Variants in PPP1CC observed in about 807,000 individuals in gnomAD.
PPP1CC encodes protein phosphatase 1 catalytic subunit gamma.
PPP1CC carries 16 observed loss-of-function variants against 38.4 expected under a neutral mutation model. That is an observed-to-expected ratio of 0.42 (90% CI 0.28 to 0.63). PPP1CC has a LOEUF of 0.63. Among genes scored for constraint, PPP1CC ranks in the 30% least tolerant of loss-of-function variants. PPP1CC has a pLI of 0.25. For synonymous variants in PPP1CC, 158 were observed against 136.0 expected (o/e 1.16, Z -1.13); for missense variants, 170 against 391.3 (o/e 0.43, Z 4.77).
At position 110,737,376 on chromosome 12, in the gene PPP1CC, C is replaced by T. The variant is rs2069955255; in HGVS notation, c.55+5277G>A. Among the ~76,000 whole-genome samples the T allele has an allele frequency of 2.0e-5, 3 of 147,296 alleles. No individual in the cohort carries two copies. In the Admixed American group the frequency reaches 2.1e-4, roughly 10 times the overall value. On this transcript the variant is annotated intron_variant, in intron 1 of 6. Transcript: ENST00000335007. ...GCCTGTAGTCCCAGCTACTCAACAA[C>T]TGAGGCTGAGGCAGGAGAAATCGCT...
At chr12:110,712,610 A>G in the PPP1CC span, among the ~76,000 whole-genome samples, 1 of 129,836 alleles carries the variant, frequency 7.7e-6, no homozygotes, top group Non-Finnish European at 1.6e-5. Flanking sequence ...AGTGCACTCC[A>G]GCCTGGGCGA....
chr12:110,712,535 G>A, the PPP1CC span, among the ~76,000 whole-genome samples: 4 of 149,870 alleles, frequency 2.7e-5, no homozygotes, highest in South Asian at 6.3e-4. Context: ...AGGTACTCGG[G>A]AGGCTGAGGC....
rs367543177 is a variant in PPP1CC, at chr12:110,742,702, C to T, written c.6G>A (p.Ala2=). Residue 2 remains alanine, a synonymous_variant, in exon 1 of 7, where the codon GCG becomes GCA. Transcript: ENST00000335007. M[A]DLDKLNIDSI... ...TGTCGATGTTGAGTTTATCTAAATC[C>T]GCCATCGCCTTCCCACCGCCGACCC... The T allele has an allele frequency of 6.9e-7, 1 of 1,455,942 alleles. No homozygotes were observed. Among genetic ancestry groups the T allele is most frequent in the Non-Finnish European group, 9.1e-7 (1 of 1,093,092 alleles). The allele number at this position is 1,455,942 out of a possible 1,614,324, so 90.2% of individuals were successfully genotyped here. A position where few individuals can be genotyped will look rare whatever the true frequency, so the allele number is the denominator to read the frequency against.
chr12:110,728,415 C>A (rs372408076), intron 3 of PPP1CC, among the ~76,000 whole-genome samples: 6,986 of 137,168 alleles, frequency 0.051, 299 homozygotes, highest in Middle Eastern at 0.07. Flanking sequence ...AAAAAAAAAA[C>A]AAAAAACAAA....
intron 4 of PPP1CC, among the ~76,000 whole-genome samples, chr12:110,723,162 T>C (rs1042024411): frequency 6.6e-6 from 1 of 152,220 alleles, no homozygotes; most frequent in African/African-American, 2.4e-5. Flanking sequence ...AGTTACAATA[T>C]GGGATGCATA....
At chr12:110,729,225 C>T (rs1434934655) in intron 3 of PPP1CC, among the ~76,000 whole-genome samples, 1 of 134,556 alleles carries the variant, frequency 7.4e-6, no homozygotes, top group Non-Finnish European at 1.5e-5. Context: ...GACGGAGTCT[C>T]ACTCTGCCAC....
intron 1 of PPP1CC, among the ~76,000 whole-genome samples, chr12:110,735,666 C>G (rs1393278962): frequency 6.6e-6 from 1 of 151,388 alleles, no homozygotes; most frequent in Non-Finnish European, 1.5e-5. Context: ...CCTGTAACCC[C>G]AGCTACACAG....
the PPP1CC span, among the ~76,000 whole-genome samples, chr12:110,714,189 C>T: frequency 2.5e-4 from 38 of 152,204 alleles, no homozygotes; most frequent in Non-Finnish European, 4.3e-4. Context: ...AGTATAAAAA[C>T]ACAGCATTCA....
chr12:110,715,234 A>G (rs927692515), downstream of PPP1CC, among the ~76,000 whole-genome samples: 9 of 152,168 alleles, frequency 5.9e-5, 1 homozygote, highest in South Asian at 8.3e-4. Flanking sequence ...TGGCTGAATG[A>G]GTATTAAAAT....
At chr12:110,717,924 TTG>T (rs560908954), downstream of PPP1CC, among the ~76,000 whole-genome samples, 5 of 152,298 alleles carry the variant, frequency 3.3e-5, no homozygotes, top group Non-Finnish European at 5.9e-5. Context: ...AATGGTTCCT[TTG>T]TGTTTTTTGG....
At chr12:110,740,410 A>G (rs552209048) in intron 1 of PPP1CC, among the ~76,000 whole-genome samples, 134 of 152,098 alleles carry the variant, frequency 8.8e-4, no homozygotes, top group Non-Finnish European at 1.6e-3. Flanking sequence ...ACACAGTGAG[A>G]CTCTCATTTC....
In PPP1CC at chr12:110,739,051, G is replaced by T. The variant is rs149659839; in HGVS notation, c.55+3602C>A. ...CAAATAATTACAGGCTGGGCACGGTGGCTCATGCCTGTAATCCCAGCACTT... is the reference window on the plus strand; with the variant it reads ...CAAATAATTACAGGCTGGGCACGGTTGCTCATGCCTGTAATCCCAGCACTT... On this transcript the variant is annotated intron_variant, in intron 1 of 6. Transcript: ENST00000335007. 9.0e-3 allele frequency among the ~76,000 whole-genome samples: 1,374 copies of T among 152,320 alleles called. 20 individuals carry two copies. The highest frequency in any genetic ancestry group is 0.031 in the African/African-American group (1,277 of 41,560).
chr12:110,742,607 GC>G (rs35151761), intron 1 of PPP1CC, 45 bp downstream of exon 1: 6 of 1,384,802 alleles, frequency 4.3e-6, no homozygotes, highest in Non-Finnish European at 5.7e-6. Flanking sequence ...GCCGCCTGCC[GC>G]CCTCAGGCCC....
downstream of PPP1CC, among the ~76,000 whole-genome samples, chr12:110,717,225 C>A (rs1382690798): frequency 6.6e-6 from 1 of 152,164 alleles, no homozygotes; most frequent in African/African-American, 2.4e-5. Context: ...GAAACCAAAG[C>A]CTGGGGCAGA....
rs113037101 is a variant in PPP1CC, at chr12:110,730,611, T to G, written c.336A>C (p.Ile112=). The G allele has an allele frequency of 3.8e-4, 609 of 1,614,210 alleles. 3 individuals are homozygous for G. The African/African-American group carries it at 6.2e-3, about 16-fold the overall frequency. ...ETICLLLAYK[I]KYPENFFLLR... is the part of the protein sequence containing the mutation. ...GAAGAAAAAAATTCTCAGGATATTT[T>G]ATTTTGTAGGCCAGTAAGAGGCAGA... The change falls in exon 3 of 7, where the codon ATA becomes ATC. Residue 112 remains isoleucine (I), a synonymous_variant. Transcript: ENST00000335007.
intron 1 of PPP1CC, among the ~76,000 whole-genome samples, chr12:110,733,625 A>G (rs1051985178): frequency 6.6e-6 from 1 of 152,164 alleles, no homozygotes; most frequent in African/African-American, 2.4e-5. Context: ...CAACAATTTA[A>G]AAATTCTTCT....
downstream of PPP1CC, among the ~76,000 whole-genome samples, chr12:110,716,688 T>G (rs749806663): frequency 1.3e-5 from 2 of 152,252 alleles, no homozygotes; most frequent in Non-Finnish European, 2.9e-5. Flanking sequence ...ACTGTTTACA[T>G]GATTAACTGA....
At position 110,724,760 on chromosome 12, in the gene PPP1CC, T is replaced by C. The variant is rs1312270621; in HGVS notation, c.423A>G (p.Lys141=). 1 of 1,557,702 alleles carries C rather than the reference T, an allele frequency of 6.4e-7. No homozygotes were observed. Among genetic ancestry groups the C allele is most frequent in the Non-Finnish European group, 8.9e-7 (1 of 1,129,022 alleles). The change falls in exon 4 of 7, where the codon AAA becomes AAG. Residue 141 remains lysine, a synonymous_variant. Coordinates refer to ENST00000335007, the MANE Select transcript of PPP1CC (RefSeq NM_002710.4). ...TCCATAGTTTAATGTTGTATCTTCT[T>C]TTACCTGTGATTAAAAAGAGAGTAT... ...NRIYGFYDEC[K]RRYNIKLWKT...
the PPP1CC span, among the ~76,000 whole-genome samples, chr12:110,713,240 C>T: frequency 6.6e-6 from 1 of 151,872 alleles, no homozygotes; most frequent in Admixed American, 6.6e-5. Flanking sequence ...TCAAGCAATT[C>T]TCCTGCCTCA....
Sources: gnomAD v4.1 joint callset for allele counts (sites outside exome capture counted in the v4.1 genomes callset) on GRCh38, gnomAD v4.1.1 for gene constraint, MANE v1.5 for transcripts, NCBI Gene and HGNC (gene_info 2026-07-23, HGNC 2026-07-21) for gene names.